RIF1: variants seen among roughly 807,000 people sequenced by gnomAD.
The protein encoded by RIF1 is telomere-associated protein RIF1.
Under a neutral mutation model 247.1 loss-of-function variants are expected in RIF1, and 45 were observed. The ratio of observed to expected loss-of-function variants is 0.18; its 90% CI spans 0.14 to 0.23. The LOEUF (loss-of-function observed/expected upper bound fraction) is 0.23. Among genes scored for constraint, RIF1 ranks in the 10% least tolerant of loss-of-function variants. The probability of loss-of-function intolerance (pLI) is 1.00; values close to 1 mark genes in which losing one functional copy is unlikely to be tolerated. For synonymous variants in RIF1, 1,087 were observed against 978.8 expected (o/e 1.11, Z -2.06); for missense variants, 2,967 against 2,862.5 (o/e 1.04, Z -0.83).
intron 12 of RIF1, chr2:151,505,909 G>A (rs114244531): frequency 0.018 from 10,199 of 558,776 alleles, 501 homozygotes; most frequent in East Asian, 0.13. Context: ...AGGAAGGTTG[G>A]TTCTTTGACT....
At position 151,473,992 on chromosome 2, in the gene RIF1, C is replaced by T; in HGVS notation, c.7124C>T (p.Pro2375Leu). The change falls in exon 35 of 36, where the codon CCA becomes CTA. Residue 2375 changes from proline (P) to leucine (L), a missense_variant. Around this residue, in one of 7 missense-constraint regions of RIF1, gnomAD observed 151 missense variants for 163.4 expected, o/e 0.92. Coordinates refer to ENST00000444746, the MANE Select transcript of RIF1 (RefSeq NM_018151.5). ...QVKTRGLEEIPVFDISEKTVN... is the reference protein window; with the variant it reads ...QVKTRGLEEILVFDISEKTVN... ...AAGACTCGTGGACTAGAAGAGATTC[C>T]AGTTTTTGATATTTCTGAAAAAACA... is the stretch of plus-strand genomic sequence containing the variant. 1 of 1,593,832 alleles carries T rather than the reference C, an allele frequency of 6.3e-7. No individual in the cohort carries two copies. The highest frequency in any genetic ancestry group is 8.6e-7 in the Non-Finnish European group (1 of 1,164,310).
At chr2:151,485,539 A>G (rs116443656), downstream of RIF1, 325 of 399,830 alleles carry the variant, frequency 8.1e-4, no homozygotes, top group African/African-American at 5.5e-3. Flanking sequence ...TATAATGGAG[A>G]AAGACTCTAG....
rs754554356 is a variant in RIF1 at position 151,446,468 on chromosome 2, A to G, written c.2137A>G (p.Arg713Gly). 8.1e-6 allele frequency: 13 copies of G among 1,613,984 alleles called. No individual in the cohort carries two copies. The highest frequency in any genetic ancestry group is 6.6e-5 in the South Asian group (6 of 91,036). ...GCTTAGAACTTGGTCAGAATTATAT[A>G]GAGCATTTGCTCGTTGTGCTGCTTT... ...TLLRTWSELY[R>G]AFARCAALVA... is the part of the protein sequence containing the mutation. Residue 713 changes from arginine to glycine, a missense_variant, in exon 20 of 36, where the codon AGA becomes GGA. Transcript: ENST00000444746.
chr2:151,505,820 G>T, intron 12 of RIF1: 1 of 554,196 alleles, frequency 1.8e-6, no homozygotes, highest in African/African-American at 1.9e-5. Context: ...TTAGACTGCA[G>T]CCCTTTCCTG....
chr2:151,512,586 A>C, downstream of RIF1: 1 of 686,134 alleles, frequency 1.5e-6, no homozygotes, highest in Non-Finnish European at 2.6e-6. Flanking sequence ...AGTGCTGGGA[A>C]TACAGACGTG....
chr2:151,420,523 GC>G, intron 7 of RIF1, 144 bp downstream of exon 7: 1 of 718,418 alleles, frequency 1.4e-6, no homozygotes, highest in Non-Finnish European at 2.3e-6. Context: ...ATTGCTTGAG[GC>G]CAGGAGTTCC....
At chr2:151,428,670 C>G in intron 8 of RIF1, 114 bp from the exon 9 acceptor site, 1 of 762,106 alleles carries the variant, frequency 1.3e-6, no homozygotes, top group East Asian at 2.5e-5. Context: ...TTTGTCTCCC[C>G]ATTAGATTAT....
chr2:151,468,830 G>C, intron 33 of RIF1, 74 bp downstream of exon 33: 3 of 1,058,308 alleles, frequency 2.8e-6, no homozygotes, highest in Non-Finnish European at 4.4e-6. Context: ...TGATTGCTTG[G>C]TTCTCATGTT....
At chr2:151,424,592 C>G (rs1380599201) in intron 8 of RIF1, among the ~76,000 whole-genome samples, 1 of 152,106 alleles carries the variant, frequency 6.6e-6, no homozygotes, top group Non-Finnish European at 1.5e-5. Context: ...TTCCTGCTTT[C>G]AGTTTTTTGG....
the RIF1 span, chr2:151,530,713 C>G: frequency 3.2e-6 from 1 of 314,158 alleles, no homozygotes; most frequent in Non-Finnish European, 5.8e-6. Context: ...TAGCCCAGCT[C>G]CCAGCCCGCA....
At chr2:151,461,055 CATT>C in intron 26 of RIF1, 80 bp from the exon 27 acceptor site, 3 of 1,251,380 alleles carry the variant, frequency 2.4e-6, no homozygotes, top group Non-Finnish European at 3.4e-6. Context: ...AAAATGGTGT[CATT>C]ATTAGAGGAG....
chr2:151,471,338 T>C (rs1159809665), intron 34 of RIF1, among the ~76,000 whole-genome samples: 2 of 152,238 alleles, frequency 1.3e-5, no homozygotes, highest in Non-Finnish European at 2.9e-5. Context: ...ACTCTGATGG[T>C]AGTTTCTTTT....
At chr2:151,448,619 T>C (rs1693731333) in intron 20 of RIF1, among the ~76,000 whole-genome samples, 1 of 152,236 alleles carries the variant, frequency 6.6e-6, no homozygotes. Flanking sequence ...ACACTACCCA[T>C]GAGGTTTCTG....
intron 4 of RIF1, 81 bp downstream of exon 4, chr2:151,415,000 G>A (rs1202034995): frequency 4.8e-6 from 4 of 840,612 alleles, no homozygotes; most frequent in Non-Finnish European, 7.6e-6. Context: ...GCTGTTAAAA[G>A]TACTGTTATG....
In RIF1 at chr2:151,482,024, AG is replaced by A. The variant is rs5835367; in HGVS notation, c.*6960del. The A allele has an allele frequency of 0.65, 98,862 of 152,084 alleles. 32,481 individuals are homozygous for A. The highest frequency in any genetic ancestry group is 0.77 in the East Asian group (3,999 of 5,172). 9.4% of individuals were successfully genotyped at this position (152,084 alleles called of 1,614,324 possible). On this transcript the variant is annotated 3_prime_UTR_variant, in exon 36 of 36. Transcript: ENST00000444746. ...TATTTCTGGTTCTTTATGACTGTTG[AG>A]GGGGGGCAGAATTCTATGTTTGATT...
At chr2:151,524,707 C>T in the RIF1 span, 7 of 1,058,278 alleles carry the variant, frequency 6.6e-6, no homozygotes, top group Non-Finnish European at 9.4e-6. Flanking sequence ...CACTCTGTTG[C>T]CCAGGCTTGA....
At chr2:151,485,768 C>T, downstream of RIF1, 1 of 1,609,984 alleles carries the variant, frequency 6.2e-7, no homozygotes, top group Non-Finnish European at 8.5e-7. Context: ...GCCTAAATAG[C>T]TTCAACGTAG....
At chr2:151,508,359 G>T (rs1259622030), downstream of RIF1, among the ~76,000 whole-genome samples, 1 of 152,188 alleles carries the variant, frequency 6.6e-6, no homozygotes. Context: ...GGCAAAGCTG[G>T]CAGAGGGGGA....
At chr2:151,470,775 T>G (rs1052623327) in intron 34 of RIF1, among the ~76,000 whole-genome samples, 1 of 152,180 alleles carries the variant, frequency 6.6e-6, no homozygotes, top group Non-Finnish European at 1.5e-5. Flanking sequence ...CTTCTAAACA[T>G]TCATTAACTG....
Sources: allele counts gnomAD v4.1 joint callset (sites outside exome capture counted in the v4.1 genomes callset), GRCh38; gene constraint gnomAD v4.1.1; regional missense constraint gnomAD v4.1.1; transcripts MANE v1.5; gene names NCBI Gene and HGNC (gene_info 2026-07-23, HGNC 2026-07-21).